The following HACD4 variants were observed in gnomAD, a reference collection of about 807,000 sequenced individuals.
The protein encoded by HACD4 is 3-hydroxyacyl-CoA dehydratase 4, also known as very-long-chain (3R)-3-hydroxyacyl-CoA dehydratase 4.
A neutral mutation model predicts 33.3 loss-of-function variants in HACD4; 35 were observed. The ratio of observed to expected loss-of-function variants is 1.05; its 90% confidence interval spans 0.80 to 1.39. HACD4 has a LOEUF of 1.39. HACD4 is among the 40% of genes most tolerant of loss of function. HACD4 has a pLI of 0.00. For missense variants in HACD4, 323 were observed against 276.5 expected, an observed-to-expected ratio of 1.17 and a Z score of -1.19; for synonymous variants, 118 against 98.0, an observed-to-expected ratio of 1.20 and a Z score of -1.21.
intron 2 of HACD4, among the ~76,000 whole-genome samples, chr9:21,027,910 G>A (rs1009607372): frequency 3.9e-5 from 6 of 152,204 alleles, no homozygotes; most frequent in Middle Eastern, 3.4e-3. Context: ...TGAGGCAGGC[G>A]GATCACCTTT....
intron 4 of HACD4, among the ~76,000 whole-genome samples, chr9:21,012,903 C>G (rs914486737): frequency 2.6e-5 from 4 of 151,954 alleles, no homozygotes; most frequent in African/African-American, 7.3e-5. Context: ...CCCATCTACA[C>G]TAAAAATACA....
intron 3 of HACD4, among the ~76,000 whole-genome samples, chr9:21,024,415 C>G (rs1323434677): frequency 1.3e-5 from 2 of 152,168 alleles, no homozygotes; most frequent in African/African-American, 4.8e-5. Flanking sequence ...GCAAACTCGC[C>G]TTTGAATAAA....
At position 21,000,133 on chromosome 9, in the gene HACD4, C is replaced by T. The variant is rs1353403981; in HGVS notation, c.*6904G>A. The T allele has an allele frequency of 6.6e-6, 1 of 152,126 alleles. No individual in the cohort carries two copies. Among genetic ancestry groups the T allele is most frequent in the Non-Finnish European group, 1.5e-5 (1 of 67,992 alleles). The allele number at this position is 152,126 out of a possible 1,614,324, so 9.4% of individuals were successfully genotyped here. A position where few individuals can be genotyped will look rare whatever the true frequency, so the allele number is the denominator to read the frequency against. ...ACCATGAAGTAACAATAGACACCTA[C>T]ATGTATGTGATGAATTAAGGCATAC... On this transcript the variant is annotated 3_prime_UTR_variant, in exon 7 of 7. Coordinates refer to ENST00000495827, the MANE Select transcript of HACD4 (RefSeq NM_001010915.5).
rs1842290228 is a variant in HACD4, at chr9:21,007,109, A to G, written c.627T>C (p.Phe209=). 2.6e-6 allele frequency: 4 copies of G among 1,515,204 alleles called. No homozygotes were observed. Among genetic ancestry groups the G allele is most frequent in the Non-Finnish European group, 3.7e-6 (4 of 1,090,084 alleles). The allele number at this position is 1,515,204 out of a possible 1,614,324, so 93.9% of individuals were successfully genotyped here. A position where few individuals can be genotyped will look rare whatever the true frequency, so the allele number is the denominator to read the frequency against. The change falls in exon 7 of 7, where the codon TTT becomes TTC. Residue 209 remains phenylalanine, a synonymous_variant. Transcript: ENST00000495827. ...YLMMLFIGMY[F]TYSHLYSERR... Reference sequence around the variant, plus strand: ...TTTCTGAGTATAGATGACTGTAGGTAAAATACATACCTAATATGGAGAAAG... The same window carrying G: ...TTTCTGAGTATAGATGACTGTAGGTGAAATACATACCTAATATGGAGAAAG...
At position 21,000,607 on chromosome 9, in the gene HACD4, G is replaced by A. The variant is rs1337643901; in HGVS notation, c.*6430C>T. ...CATACAATCTGAACACTACCCTGGA[G>A]AACCATGTCATATCAACATTAGCAT... On this transcript the variant is annotated 3_prime_UTR_variant, in exon 7 of 7. Transcript: ENST00000495827. The A allele has an allele frequency of 6.6e-6, 1 of 152,048 alleles. No individual in the cohort carries two copies. Among genetic ancestry groups the A allele is most frequent in the Non-Finnish European group, 1.5e-5 (1 of 67,986 alleles). 9.4% of individuals were successfully genotyped at this position (152,048 alleles called of 1,614,324 possible).
intron 3 of HACD4, among the ~76,000 whole-genome samples, chr9:21,024,332 A>G (rs1237271925): frequency 6.6e-6 from 1 of 152,244 alleles, no homozygotes; most frequent in African/African-American, 2.4e-5. Flanking sequence ...TCCCTAACAC[A>G]GTGATCTCTG....
chr9:21,005,209 TCCAA>T lies in HACD4; in HGVS notation c.*1824_*1827del, dbSNP rs983800012. Reference sequence around the variant, plus strand: ...AATTAGATATTGAACTGAAGAGATCTCCAACCAGTGTTGAAGGAGTGCCTCGGTT... The same window carrying T: ...AATTAGATATTGAACTGAAGAGATCTCCAGTGTTGAAGGAGTGCCTCGGTT... On this transcript the variant is annotated 3_prime_UTR_variant, in exon 7 of 7. Coordinates refer to ENST00000495827, the MANE Select transcript of HACD4 (RefSeq NM_001010915.5). The surrounding 1 kb of genome is among the most constrained non-coding windows in gnomAD (Gnocchi z 4.0). 6.6e-6 allele frequency: 1 copy of T among 152,204 alleles called. No individual in the cohort carries two copies. Among genetic ancestry groups the T allele is most frequent in the African/African-American group, 2.4e-5 (1 of 41,456 alleles). 9.4% of individuals were successfully genotyped at this position (152,204 alleles called of 1,614,324 possible). A position where few individuals can be genotyped will look rare whatever the true frequency, so the allele number is the denominator to read the frequency against.
intron 2 of HACD4, 162 bp from the exon 3 acceptor site, chr9:21,026,885 G>T (rs781411431): frequency 2.2e-5 from 13 of 587,486 alleles, no homozygotes; most frequent in Non-Finnish European, 3.9e-5. Flanking sequence ...ACAATACAAT[G>T]CAAACAAACA....
In HACD4 at chr9:21,005,677, A is replaced by G. The variant is rs777015014; in HGVS notation, c.*1360T>C. On this transcript the variant is annotated 3_prime_UTR_variant, in exon 7 of 7. Coordinates refer to ENST00000495827, the MANE Select transcript of HACD4 (RefSeq NM_001010915.5). The surrounding 1 kb of genome is among the most constrained non-coding windows in gnomAD (Gnocchi z 4.0). ...TTGCCTTGGTTTCAACAGGCCTGAC[A>G]GCTTCCGCCTGGTGATATGGGGGTC... 45 of 152,404 alleles carry G rather than the reference A, an allele frequency of 3.0e-4. No individual in the cohort carries two copies. Among genetic ancestry groups the G allele is most frequent in the Admixed American group, 5.2e-4 (8 of 15,304 alleles). The allele number at this position is 152,404 out of a possible 1,614,324, so 9.4% of individuals were successfully genotyped here. A position where few individuals can be genotyped will look rare whatever the true frequency, so the allele number is the denominator to read the frequency against.
chr9:21,014,177 A>G (rs75174772), intron 4 of HACD4, among the ~76,000 whole-genome samples: 15,026 of 152,030 alleles, frequency 0.099, 1,091 homozygotes, highest in East Asian at 0.32. Context: ...TTTACAGAGG[A>G]AAAAAAAGTT....
At chr9:21,010,509 A>G (rs568812147) in intron 5 of HACD4, among the ~76,000 whole-genome samples, 2 of 147,542 alleles carry the variant, frequency 1.4e-5, no homozygotes, top group Non-Finnish European at 3.0e-5. Context: ...ACATTAATCA[A>G]AGAATCATAC....
At chr9:21,007,697 A>G (rs1842303241) in intron 6 of HACD4, among the ~76,000 whole-genome samples, 2 of 152,206 alleles carry the variant, frequency 1.3e-5, no homozygotes, top group African/African-American at 2.4e-5. Context: ...GAAATAGCCA[A>G]TTCTTCTTAG....
At chr9:21,026,824 C>A in intron 2 of HACD4, 101 bp from the exon 3 acceptor site, 1 of 922,596 alleles carries the variant, frequency 1.1e-6, no homozygotes, top group Non-Finnish European at 1.7e-6. Flanking sequence ...TATTCACTTC[C>A]TTTTTCATTG....
In HACD4 at chr9:21,002,064, CAG is replaced by C. The variant is rs1377117357; in HGVS notation, c.*4971_*4972del. 1 of 152,060 alleles carries C rather than the reference CAG, an allele frequency of 6.6e-6. No individual in the cohort carries two copies. The highest frequency in any genetic ancestry group is 1.5e-5 in the Non-Finnish European group (1 of 67,986). 9.4% of individuals were successfully genotyped at this position (152,060 alleles called of 1,614,324 possible). ...TTTTTAAAAATTGATTTTGGACACA[CAG>C]TGTATATAATTTTGTGAAACTTAAA... On this transcript the variant is annotated 3_prime_UTR_variant, in exon 7 of 7. Transcript: ENST00000495827.
chr9:21,007,667 G>A (rs1235370473), intron 6 of HACD4, among the ~76,000 whole-genome samples: 1 of 152,094 alleles, frequency 6.6e-6, no homozygotes, highest in East Asian at 1.9e-4. Context: ...GAAACAAAAT[G>A]GATATAAATG....
intron 3 of HACD4, 140 bp downstream of exon 3, chr9:21,026,456 C>A (rs953195741): frequency 2.2e-5 from 15 of 684,482 alleles, no homozygotes; most frequent in African/African-American, 3.6e-5. Context: ...ATAAGGTTGT[C>A]CTTCCATGAA....
chr9:21,031,377 AAGAG>A, intron 1 of HACD4, 172 bp downstream of exon 1: 1 of 825,496 alleles, frequency 1.2e-6, no homozygotes, highest in South Asian at 5.5e-5. Context: ...TAGGGTGGTC[AAGAG>A]GGGTAAGTTA....
Position 21,029,363 on chromosome 9 carries a change from A to C in HACD4, c.74T>G (p.Leu25Ter). ...RKNAYLFIYY[L>*]IQFCGHSWIF... is the part of the protein sequence containing the mutation. ...CCAAGAGTGGCCACAGAACTGGATTAAGTAATAGATGAAAAGATACGCATT... is the reference window on the plus strand; with the variant it reads ...CCAAGAGTGGCCACAGAACTGGATTCAGTAATAGATGAAAAGATACGCATT... The change falls in exon 2 of 7, where the codon TTA becomes TGA. Residue 25 changes from leucine to a stop codon, truncating the protein, a stop_gained. Transcript: ENST00000495827. LOFTEE classifies it high-confidence loss of function. 6.3e-7 allele frequency: 1 copy of C among 1,596,694 alleles called. No individual in the cohort carries two copies. The highest frequency in any genetic ancestry group is 1.1e-5 in the South Asian group (1 of 89,800).
rs181435107 is a variant in HACD4 at position 21,020,541 on chromosome 9, T to G, written c.271-4531A>C. Among the ~76,000 whole-genome samples, 10 of 152,356 alleles carry G rather than the reference T, an allele frequency of 6.6e-5. No homozygotes were observed. In the Middle Eastern group the frequency reaches 0.017, roughly 259 times the overall value. ...CTGTACTATAAAAGTCAAGTTGTTT[T>G]GATTAAATTTACTGAAATCAACTAG... On this transcript the variant is annotated intron_variant, in intron 3 of 6. Transcript: ENST00000495827.
Sources: gnomAD v4.1 joint callset for allele counts (sites outside exome capture counted in the v4.1 genomes callset) on GRCh38, gnomAD v4.1.1 for gene constraint, Gnocchi (gnomAD v3.1) non-coding constraint, MANE v1.5 for transcripts, NCBI Gene and HGNC (gene_info 2026-07-23, HGNC 2026-07-21) for gene names.